Variants in CARNMT1 observed in about 807,000 individuals in gnomAD.
CARNMT1 encodes the protein protein-L-histidine N-pros-methyltransferase CARNMT1.
Under a neutral mutation model 49.6 loss-of-function variants are expected in CARNMT1, and 28 were observed. The observed-to-expected ratio is 0.56, with a 90% CI of 0.42 to 0.77. The LOEUF is 0.77. Among genes scored for constraint, CARNMT1 ranks in the 30% least tolerant of loss-of-function variants. The probability of loss-of-function intolerance (pLI) is 0.00; values close to 1 mark genes in which losing one functional copy is unlikely to be tolerated. For missense variants in CARNMT1, 421 were observed against 512.6 expected (o/e 0.82, Z 1.73); for synonymous variants, 178 against 175.0 (o/e 1.02, Z -0.13).
At chr9:75,002,989 T>C (rs1191927178) in intron 3 of CARNMT1, among the ~76,000 whole-genome samples, 1 of 152,100 alleles carries the variant, frequency 6.6e-6, no homozygotes. Context: ...CTACCCACCT[T>C]GGCCTCCCAA....
Position 75,028,065 on chromosome 9 carries a change from C to T in CARNMT1, c.177G>A (p.Glu59=). ...TCCAGAAGTGCTCACGCTCAAGCCT[C>T]TCCTCCTCCTCCTCGGTGCTGCGCG... ...AATRSTEEEE[E]RLEREHFWKI... is the part of the protein sequence containing the mutation. The change falls in exon 1 of 8, where the codon GAG becomes GAA. Residue 59 remains glutamate, a synonymous_variant. Coordinates refer to ENST00000376834, the MANE Select transcript of CARNMT1 (RefSeq NM_152420.3). 6.6e-7 allele frequency: 1 copy of T among 1,508,740 alleles called. No homozygotes were observed. The highest frequency in any genetic ancestry group is 8.9e-7 in the Non-Finnish European group (1 of 1,118,744). 93.5% of individuals were successfully genotyped at this position (1,508,740 alleles called of 1,614,324 possible). A position where few individuals can be genotyped will look rare whatever the true frequency, so the allele number is the denominator to read the frequency against.
At chr9:74,995,582 G>T (rs1349954298) in intron 6 of CARNMT1, among the ~76,000 whole-genome samples, 1 of 152,104 alleles carries the variant, frequency 6.6e-6, no homozygotes, top group Non-Finnish European at 1.5e-5. Flanking sequence ...TACCTCCAGG[G>T]CTTAGTCCCA....
chr9:74,988,864 T>C (rs1832927714), intron 6 of CARNMT1, among the ~76,000 whole-genome samples: 1 of 152,224 alleles, frequency 6.6e-6, no homozygotes, highest in Non-Finnish European at 1.5e-5. Context: ...TATGAATATT[T>C]AAGGTTTTCC....
In CARNMT1 at chr9:74,998,672, T is replaced by A. The variant is rs771970048; in HGVS notation, c.836A>T (p.Asp279Val). 1 of 1,608,884 alleles carries A rather than the reference T, an allele frequency of 6.2e-7. No homozygotes were observed. Among genetic ancestry groups the A allele is most frequent in the Non-Finnish European group, 8.5e-7 (1 of 1,177,316 alleles). The change falls in exon 5 of 8, where the codon GAC becomes GTC. Residue 279 changes from aspartate (D) to valine (V), a missense_variant. Transcript: ENST00000376834. ...AGAACCAGGAGGAAGACTGTGGGGGTCAACATCAGGGAAAAAGATGGGTCG... is the reference window on the plus strand; with the variant it reads ...AGAACCAGGAGGAAGACTGTGGGGGACAACATCAGGGAAAAAGATGGGTCG... The part of the protein sequence containing the change: ...QIRPIFFPDV[D>V]PHSLPPGSNF...
intron 6 of CARNMT1, among the ~76,000 whole-genome samples, chr9:74,995,170 G>A (rs977382626): frequency 3.3e-5 from 5 of 152,150 alleles, no homozygotes; most frequent in Non-Finnish European, 7.4e-5. Context: ...TATAAACACA[G>A]GGTCATGTTA....
At chr9:75,025,892 C>G (rs1822514287) in intron 1 of CARNMT1, among the ~76,000 whole-genome samples, 1 of 152,278 alleles carries the variant, frequency 6.6e-6, no homozygotes, top group South Asian at 2.1e-4. Context: ...GGTAGTGAAA[C>G]TGAGCAACTA....
At chr9:75,015,039 T>C (rs947409283) in intron 3 of CARNMT1, among the ~76,000 whole-genome samples, 3 of 152,070 alleles carry the variant, frequency 2.0e-5, no homozygotes, top group African/African-American at 7.2e-5. Flanking sequence ...TCCAATAGCT[T>C]TCGTTAAATA....
Position 74,983,108 on chromosome 9 carries a change from G to T in CARNMT1, c.*659C>A, listed in dbSNP as rs1277106999. On this transcript the variant is annotated 3_prime_UTR_variant, in exon 8 of 8. Coordinates refer to ENST00000376834, the MANE Select transcript of CARNMT1 (RefSeq NM_152420.3). ...AAATAGACACAGGCCAGGCGCGGTG[G>T]TACATGCCTACAGTCCTAGCTACTC... is the stretch of plus-strand genomic sequence containing the variant. 1 of 152,058 alleles carries T rather than the reference G, an allele frequency of 6.6e-6. No homozygotes were observed. Among genetic ancestry groups the T allele is most frequent in the Non-Finnish European group, 1.5e-5 (1 of 68,018 alleles). The allele number at this position is 152,058 out of a possible 1,614,324, so 9.4% of individuals were successfully genotyped here. A position where few individuals can be genotyped will look rare whatever the true frequency, so the allele number is the denominator to read the frequency against.
chr9:74,994,082 C>T (rs777877105), intron 6 of CARNMT1, among the ~76,000 whole-genome samples: 3 of 152,062 alleles, frequency 2.0e-5, no homozygotes, highest in Non-Finnish European at 2.9e-5. Context: ...GATTAGTGTC[C>T]TTATAAGAAG....
intron 3 of CARNMT1, among the ~76,000 whole-genome samples, chr9:75,008,416 C>T (rs1401147039): frequency 6.6e-6 from 1 of 152,220 alleles, no homozygotes; most frequent in Non-Finnish European, 1.5e-5. Context: ...ACTGCAACCT[C>T]TGCCTCCTGA....
Position 74,983,822 on chromosome 9 carries a change from G to C in CARNMT1, c.1175C>G (p.Ser392Cys). ...ACATTCATAGTAGTATTTCATCATA[G>C]AGAGATCATTCACAGTATATGTTGA... Reference protein sequence around the residue: ...VLSTYTVNDLSMMKYYYECVL... With the variant: ...VLSTYTVNDLCMMKYYYECVL... The change falls in exon 8 of 8, where the codon TCT becomes TGT. Residue 392 changes from serine to cysteine, a missense_variant. Around this residue, in one of 2 missense-constraint regions of CARNMT1, gnomAD observed 235 missense variants for 344.8 expected, o/e 0.68. Transcript: ENST00000376834. The C allele has an allele frequency of 6.2e-7, 1 of 1,608,304 alleles. No individual in the cohort carries two copies. The highest frequency in any genetic ancestry group is 8.5e-7 in the Non-Finnish European group (1 of 1,176,768).
chr9:75,020,598 C>A (rs1029014977), intron 1 of CARNMT1, among the ~76,000 whole-genome samples: 6 of 152,142 alleles, frequency 3.9e-5, no homozygotes, highest in Non-Finnish European at 8.8e-5. Flanking sequence ...CTTTCATTTT[C>A]AATATCTTTG....
At chr9:75,022,326 C>A (rs552255910) in intron 1 of CARNMT1, among the ~76,000 whole-genome samples, 9 of 145,472 alleles carry the variant, frequency 6.2e-5, no homozygotes, top group African/African-American at 1.8e-4. Flanking sequence ...CAGCTTCAAG[C>A]GCTTCTTCTG....
chr9:75,023,099 G>GC (rs1822424663), intron 1 of CARNMT1, among the ~76,000 whole-genome samples: 1 of 147,090 alleles, frequency 6.8e-6, no homozygotes, highest in South Asian at 2.1e-4. Flanking sequence ...TTGAGATTGT[G>GC]CCACTGCACT....
At chr9:75,015,158 G>GA (rs1174691231) in intron 3 of CARNMT1, among the ~76,000 whole-genome samples, 2 of 152,220 alleles carry the variant, frequency 1.3e-5, no homozygotes, top group East Asian at 3.9e-4. Flanking sequence ...AAGGGAATGG[G>GA]AAAAAATTAC....
At chr9:74,991,398 C>G (rs1833007728) in intron 6 of CARNMT1, 1 of 152,520 alleles carries the variant, frequency 6.6e-6, no homozygotes, top group African/African-American at 2.4e-5. Flanking sequence ...GCCTCACCTC[C>G]CAAAGTGCTG....
At chr9:75,005,399 A>C (rs1162051280) in intron 3 of CARNMT1, among the ~76,000 whole-genome samples, 1 of 152,046 alleles carries the variant, frequency 6.6e-6, no homozygotes, top group Non-Finnish European at 1.5e-5. Context: ...AAACTGATAT[A>C]TGTGTTTCCT....
At chr9:74,998,483 T>C in intron 5 of CARNMT1, 115 bp downstream of exon 5, 1 of 781,994 alleles carries the variant, frequency 1.3e-6, no homozygotes, top group South Asian at 3.0e-5. Context: ...GACACTGACA[T>C]ATGCCTTATG....
At chr9:75,018,812 T>C (rs772685279) in intron 1 of CARNMT1, among the ~76,000 whole-genome samples, 3 of 151,760 alleles carry the variant, frequency 2.0e-5, no homozygotes, top group Non-Finnish European at 2.9e-5. Context: ...TACTAAAATA[T>C]AAAAATTGGC....
Sources: gnomAD v4.1 joint callset for allele counts (sites outside exome capture counted in the v4.1 genomes callset) on GRCh38, gnomAD v4.1.1 for gene constraint, gnomAD v4.1.1 regional missense constraint, MANE v1.5 for transcripts, NCBI Gene and HGNC (gene_info 2026-07-23, HGNC 2026-07-21) for gene names.